MGAT5: variants seen among roughly 807,000 people sequenced by gnomAD.
MGAT5 encodes alpha-1,6-mannosylglycoprotein 6-beta-N-acetylglucosaminyltransferase.
In MGAT5, 30 loss-of-function variants were observed where a neutral mutation model predicts 94.3. The ratio of observed to expected loss-of-function variants is 0.32; its 90% CI spans 0.24 to 0.43. MGAT5 has a LOEUF of 0.43. MGAT5 is among the 20% of genes least tolerant of loss of function. The probability of loss-of-function intolerance (pLI) is 1.00; values close to 1 mark genes in which losing one functional copy is unlikely to be tolerated. For synonymous variants in MGAT5, 310 were observed against 322.9 expected, an observed-to-expected ratio of 0.96 and a Z score of 0.43; for missense variants, 691 against 905.5, an observed-to-expected ratio of 0.76 and a Z score of 3.04.
chr2:134,417,233 A>G (rs1237195569), intron 12 of MGAT5, among the ~76,000 whole-genome samples: 1 of 152,114 alleles, frequency 6.6e-6, no homozygotes, highest in Non-Finnish European at 1.5e-5. Context: ...GAGTTCAGGC[A>G]TACCCTTCAT....
At chr2:134,253,673 T>G (rs1355865026), upstream of MGAT5, among the ~76,000 whole-genome samples, 1 of 152,216 alleles carries the variant, frequency 6.6e-6, no homozygotes, top group African/African-American at 2.4e-5. Context: ...TTCTCTGTGC[T>G]GGTGCACCTA....
intron 4 of MGAT5, among the ~76,000 whole-genome samples, chr2:134,324,968 C>A (rs925018986): frequency 4.6e-5 from 7 of 150,778 alleles, no homozygotes; most frequent in Non-Finnish European, 8.9e-5. Flanking sequence ...ATATTTGTTG[C>A]TCTTACTACC....
At chr2:134,375,727 T>G (rs1681126153) in intron 10 of MGAT5, among the ~76,000 whole-genome samples, 1 of 152,202 alleles carries the variant, frequency 6.6e-6, no homozygotes. Context: ...AGAGCATATC[T>G]CTTGAGCCCA....
chr2:134,189,776 A>G (rs1689276631), intron 1 of MGAT5, among the ~76,000 whole-genome samples: 1 of 150,490 alleles, frequency 6.6e-6, no homozygotes. Context: ...TAATTTTTAT[A>G]TTTTTACTAG....
intron 2 of MGAT5, among the ~76,000 whole-genome samples, chr2:134,313,497 G>A (rs186726812): frequency 1.7e-4 from 26 of 152,208 alleles, no homozygotes; most frequent in African/African-American, 6.0e-4. Flanking sequence ...AAGTTTTGGG[G>A]GAAAGATGTT....
rs143199245 is a variant in MGAT5 at position 134,257,581 on chromosome 2, C to T, written c.241+2937C>T. Among the ~76,000 whole-genome samples, 29 of 152,240 alleles carry T rather than the reference C, an allele frequency of 1.9e-4. No individual in the cohort carries two copies. In the East Asian group the frequency reaches 5.4e-3, roughly 28 times the overall value. ...TTCCCCCTGGTTTCCAGTTCTGGCA[C>T]CAACAATTTGGATTGAACAAGAGGA... On this transcript the variant is annotated intron_variant, in intron 1 of 15. Coordinates refer to ENST00000281923, the MANE Select transcript of MGAT5 (RefSeq NM_002410.5).
At chr2:134,193,105 T>C (rs1184644906) in intron 1 of MGAT5, among the ~76,000 whole-genome samples, 2 of 149,410 alleles carry the variant, frequency 1.3e-5, no homozygotes, top group African/African-American at 2.5e-5. Context: ...GAGGTTACTT[T>C]ATTTTTATTT....
chr2:134,321,624 G>A (rs905548576), intron 4 of MGAT5, among the ~76,000 whole-genome samples: 3 of 152,156 alleles, frequency 2.0e-5, no homozygotes, highest in Non-Finnish European at 2.9e-5. Flanking sequence ...TTTGGAACGA[G>A]CAACTACGTT....
At chr2:134,440,879 A>G (rs1168827558) in intron 14 of MGAT5, among the ~76,000 whole-genome samples, 1 of 152,132 alleles carries the variant, frequency 6.6e-6, no homozygotes, top group Non-Finnish European at 1.5e-5. Context: ...TTGAGTAAAT[A>G]ATTTATCTTA....
At chr2:134,378,617 C>CCT (rs1553457174) in intron 10 of MGAT5, among the ~76,000 whole-genome samples, 2 of 139,858 alleles carry the variant, frequency 1.4e-5, no homozygotes, top group East Asian at 4.2e-4. Context: ...ATCTGGATTA[C>CCT]TTTTTTTTTT....
rs1235935092 is a variant in MGAT5 at position 134,177,537 on chromosome 2, G to T, written c.-143+57246G>T. On this transcript the variant is annotated intron_variant, in intron 1 of 16. Coordinates refer to the MGAT5 transcript ENST00000409645. ...GAAGATGACAAGAGTGCGGATTTCA[G>T]TGAGTAGCTGGCATTCCTCTCGCCT... 2.0e-5 allele frequency among the ~76,000 whole-genome samples: 3 copies of T among 152,382 alleles called. No individual in the cohort carries two copies. In the South Asian group the frequency reaches 6.2e-4, roughly 32 times the overall value.
intron 1 of MGAT5, among the ~76,000 whole-genome samples, chr2:134,214,451 T>C (rs1009790914): frequency 3.3e-5 from 5 of 152,216 alleles, no homozygotes; most frequent in Non-Finnish European, 7.3e-5. Context: ...CGATAGTTGA[T>C]GAGCTACAAA....
In MGAT5 at chr2:134,165,846, G is replaced by C. The variant is rs530120757; in HGVS notation, c.-143+45555G>C. ...TCTAGGGAAGCAGTGTGATATGGAA[G>C]ACTCCAGGCTTGGGAGCCTGGCAGA... On this transcript the variant is annotated intron_variant, in intron 1 of 16. Transcript: ENST00000409645. Among the ~76,000 whole-genome samples the C allele has an allele frequency of 2.6e-5, 4 of 152,282 alleles. No individual in the cohort carries two copies. In the East Asian group the frequency reaches 7.7e-4, roughly 29 times the overall value.
At chr2:134,398,752 T>C (rs1453589257) in intron 10 of MGAT5, among the ~76,000 whole-genome samples, 2 of 147,376 alleles carry the variant, frequency 1.4e-5, no homozygotes, top group East Asian at 4.0e-4. Context: ...TTTAAAAAAA[T>C]GGCAGTCTGT....
intron 1 of MGAT5, among the ~76,000 whole-genome samples, chr2:134,199,568 A>G (rs1281228063): frequency 1.3e-5 from 2 of 151,802 alleles, no homozygotes; most frequent in East Asian, 3.9e-4. Context: ...AGGATGGAGC[A>G]TTAAATCCCT....
intron 10 of MGAT5, among the ~76,000 whole-genome samples, chr2:134,372,607 G>A (rs1680880299): frequency 6.6e-6 from 1 of 152,150 alleles, no homozygotes; most frequent in African/African-American, 2.4e-5. Context: ...CCTTTACACT[G>A]TAGAGCTAGA....
intron 11 of MGAT5, among the ~76,000 whole-genome samples, chr2:134,406,841 G>A (rs1050026312): frequency 1.3e-5 from 2 of 152,120 alleles, no homozygotes; most frequent in African/African-American, 2.4e-5. Context: ...GTTGTGGTGA[G>A]CTGAGGACAC....
intron 1 of MGAT5, among the ~76,000 whole-genome samples, chr2:134,138,215 C>CTTTT (rs5834400): frequency 6.7e-6 from 1 of 148,856 alleles, no homozygotes. Context: ...TATCATTGCC[C>CTTTT]TTTTTTTTTT....
rs140621537 is a variant in MGAT5 at position 134,346,803 on chromosome 2, A to G, written c.1112+1739A>G. On this transcript the variant is annotated intron_variant, in intron 8 of 15. Coordinates refer to ENST00000281923, the MANE Select transcript of MGAT5 (RefSeq NM_002410.5). ...GCTAGGTACTGCAAAGCTCATACGC[A>G]TTTTACTTCCTACAAGGCCTTTGTT... Among the ~76,000 whole-genome samples, 480 of 152,264 alleles carry G rather than the reference A, an allele frequency of 3.2e-3. 12 individuals are homozygous for G. Among genetic ancestry groups the G allele is most frequent in the Admixed American group, 0.026 (396 of 15,290 alleles).
Sources: allele counts gnomAD v4.1 joint callset (sites outside exome capture counted in the v4.1 genomes callset), GRCh38; gene constraint gnomAD v4.1.1; transcripts MANE v1.5; gene names NCBI Gene and HGNC (gene_info 2026-07-23, HGNC 2026-07-21).